ANO3: variants seen among roughly 807,000 people sequenced by gnomAD.
ANO3 encodes anoctamin 3, also known as anoctamin-3.
ANO3 carries 99 observed loss-of-function variants against 144.8 expected under a neutral mutation model. That is an observed-to-expected ratio of 0.68 (90% confidence interval 0.58 to 0.81). ANO3 has a LOEUF of 0.81. Ranked by LOEUF, ANO3 falls within the 30% of genes least tolerant of loss-of-function variation. ANO3 has a pLI of 0.00. For synonymous variants in ANO3, 414 were observed against 392.6 expected, an observed-to-expected ratio of 1.05 and a Z score of -0.64; for missense variants, 905 against 1,202.2, an observed-to-expected ratio of 0.75 and a Z score of 3.66.
intron 1 of ANO3, among the ~76,000 whole-genome samples, chr11:26,265,385 T>A (rs959954473): frequency 2.6e-5 from 4 of 152,222 alleles, no homozygotes; most frequent in African/African-American, 9.6e-5. Flanking sequence ...ACTAGCTATG[T>A]CCTCTCCATG....
At chr11:26,192,127 T>G (rs1851490269) in intron 1 of ANO3, among the ~76,000 whole-genome samples, 1 of 152,214 alleles carries the variant, frequency 6.6e-6, no homozygotes, top group Non-Finnish European at 1.5e-5. Context: ...GTGGAAATTA[T>G]CACACAATTT....
intron 1 of ANO3, among the ~76,000 whole-genome samples, chr11:26,214,442 C>A (rs1851997630): frequency 6.6e-6 from 1 of 151,740 alleles, no homozygotes; most frequent in South Asian, 2.1e-4. Flanking sequence ...TAACAACAAT[C>A]GCAATATAGA....
chr11:26,634,448 C>A, intron 19 of ANO3, 133 bp downstream of exon 19: 1 of 589,168 alleles, frequency 1.7e-6, no homozygotes, highest in Non-Finnish European at 3.0e-6. Flanking sequence ...AAAATAAAAC[C>A]TATTTGCTGC....
chr11:26,349,292 T>G (rs1855573647), intron 1 of ANO3, among the ~76,000 whole-genome samples: 1 of 152,218 alleles, frequency 6.6e-6, no homozygotes, highest in African/African-American at 2.4e-5. Flanking sequence ...CTTCTGAAAC[T>G]TAACCATTGA....
chr11:26,553,469 C>T (rs1326474832), intron 13 of ANO3, 124 bp downstream of exon 13: 3 of 527,502 alleles, frequency 5.7e-6, no homozygotes, highest in Non-Finnish European at 1.0e-5. Flanking sequence ...TTAATAAGTG[C>T]CATTGACAAC....
At chr11:26,644,635 T>C (rs1853280970) in intron 23 of ANO3, among the ~76,000 whole-genome samples, 1 of 152,222 alleles carries the variant, frequency 6.6e-6, no homozygotes, top group African/African-American at 2.4e-5. Context: ...TGGATTGTTG[T>C]TCTATCCTTG....
chr11:26,612,954 A>G (rs1313690357), intron 17 of ANO3, among the ~76,000 whole-genome samples: 4 of 152,240 alleles, frequency 2.6e-5, no homozygotes, highest in Non-Finnish European at 5.9e-5. Flanking sequence ...CAGTTTGATT[A>G]ACGAGTACTT....
At position 26,559,748 on chromosome 11, in the gene ANO3, A is replaced by G. The variant is rs1411225359; in HGVS notation, c.1416A>G (p.Thr472=). 1.4e-5 allele frequency: 22 copies of G among 1,612,278 alleles called. No individual in the cohort carries two copies. Among genetic ancestry groups the G allele is most frequent in the South Asian group, 2.2e-5 (2 of 91,044 alleles). ...CATATTTGTTCGATAATGGAGGGAC[A>G]GTCTTCTTTGCTATTTTTATGGCAA... is the stretch of plus-strand genomic sequence containing the variant. ...KVTYLFDNGG[T]VFFAIFMAIW... is the part of the protein sequence containing the mutation. Residue 472 remains threonine (T), a synonymous_variant, in exon 14 of 27, where the codon ACA becomes ACG. Coordinates refer to ENST00000256737, the MANE Select transcript of ANO3 (RefSeq NM_031418.4).
chr11:26,398,954 G>T (rs1241299979), intron 1 of ANO3, among the ~76,000 whole-genome samples: 2 of 152,002 alleles, frequency 1.3e-5, no homozygotes, highest in Admixed American at 6.6e-5. Context: ...AGTATAATTT[G>T]GGCAGGTGAT....
At chr11:26,555,678 T>C (rs1409011366) in intron 13 of ANO3, among the ~76,000 whole-genome samples, 1 of 152,184 alleles carries the variant, frequency 6.6e-6, no homozygotes, top group African/African-American at 2.4e-5. Context: ...TTTGTTCCTC[T>C]GACTAAGATA....
At chr11:26,579,637 A>G (rs1851077850) in intron 14 of ANO3, among the ~76,000 whole-genome samples, 1 of 152,246 alleles carries the variant, frequency 6.6e-6, no homozygotes, top group African/African-American at 2.4e-5. Context: ...AGGAGAAAGC[A>G]ACAGATTAGA....
chr11:26,552,383 G>C (rs895196580), intron 12 of ANO3, among the ~76,000 whole-genome samples: 1 of 151,968 alleles, frequency 6.6e-6, no homozygotes, highest in African/African-American at 2.4e-5. Context: ...AATTAAACTT[G>C]TATTAAGAGC....
chr11:26,443,875 T>C, intron 3 of ANO3, 39 bp downstream of exon 3: 1 of 1,348,184 alleles, frequency 7.4e-7, no homozygotes, highest in East Asian at 2.3e-5. Flanking sequence ...CCTTTCCCTC[T>C]CTCCAAAGGT....
At chr11:26,309,561 T>A (rs1854460386), upstream of ANO3, 1 of 679,878 alleles carries the variant, frequency 1.5e-6, no homozygotes, top group African/African-American at 2.0e-5. Flanking sequence ...AAAGCTCTTC[T>A]TTTCCATGAT....
At chr11:26,613,375 T>A (rs1852156149) in intron 17 of ANO3, among the ~76,000 whole-genome samples, 1 of 152,142 alleles carries the variant, frequency 6.6e-6, no homozygotes. Context: ...TATTTCTCAT[T>A]CAGATCATTG....
intron 1 of ANO3, among the ~76,000 whole-genome samples, chr11:26,279,178 G>T (rs1853623092): frequency 6.6e-6 from 1 of 152,102 alleles, no homozygotes; most frequent in South Asian, 2.1e-4. Context: ...TTTCTTATGG[G>T]TCCCTATCTC....
At chr11:26,218,230 T>C (rs535594249) in intron 1 of ANO3, among the ~76,000 whole-genome samples, 1 of 152,160 alleles carries the variant, frequency 6.6e-6, no homozygotes, top group African/African-American at 2.4e-5. Flanking sequence ...TCGCACCCAG[T>C]TCTGAGTTCT....
At chr11:26,308,818 T>C (rs577356445), upstream of ANO3, among the ~76,000 whole-genome samples, 2 of 152,354 alleles carry the variant, frequency 1.3e-5, no homozygotes, top group East Asian at 3.9e-4. Context: ...TACCACTTGC[T>C]GAATACTTAC....
intron 1 of ANO3, among the ~76,000 whole-genome samples, chr11:26,230,796 CCAAAAAAAAAAAAAAAAAAAAAAAAAAA>C (rs1564926287): frequency 1.5e-4 from 12 of 79,458 alleles, no homozygotes; most frequent in Admixed American, 2.9e-4. Flanking sequence ...GACTCCATCT[CCAAAAAAAAAAAAAAAAAAAAAAAAAAA>C]AAAAAAAAAA....
Sources: allele counts gnomAD v4.1 joint callset (sites outside exome capture counted in the v4.1 genomes callset), GRCh38; gene constraint gnomAD v4.1.1; transcripts MANE v1.5; gene names NCBI Gene and HGNC (gene_info 2026-07-23, HGNC 2026-07-21).